Variants in GPHN observed in about 807,000 individuals in gnomAD.
GPHN encodes the protein gephyrin.
In GPHN, 17 loss-of-function variants were observed where a neutral mutation model predicts 95.5. The observed-to-expected ratio is 0.18, with a 90% CI of 0.12 to 0.27. The LOEUF (loss-of-function observed/expected upper bound fraction) is 0.27, where lower values mean the gene tolerates loss of function less well. Ranked by LOEUF, GPHN falls within the 10% of genes least tolerant of loss-of-function variation. The pLI is 1.00. For missense variants in GPHN, 660 were observed against 978.1 expected (o/e 0.67, Z 4.34); for synonymous variants, 320 against 322.5 (o/e 0.99, Z 0.08).
chr14:67,435,713 C>A, the GPHN span, among the ~76,000 whole-genome samples: 5 of 152,232 alleles, frequency 3.3e-5, no homozygotes, highest in Admixed American at 6.5e-5. Flanking sequence ...CCTTCCCTTT[C>A]TCTGTCTTGC....
intron 21 of GPHN, among the ~76,000 whole-genome samples, chr14:67,170,647 C>T (rs1286457275): frequency 6.6e-6 from 1 of 152,152 alleles, no homozygotes; most frequent in African/African-American, 2.4e-5. Context: ...TGATGGTGTC[C>T]ATTTCCTGTC....
intron 1 of GPHN, among the ~76,000 whole-genome samples, chr14:66,515,024 C>T (rs1455492641): frequency 6.6e-6 from 1 of 152,092 alleles, no homozygotes; most frequent in Non-Finnish European, 1.5e-5. Flanking sequence ...GCAATATCTA[C>T]TTTACAAAGT....
At chr14:66,865,498 G>C (rs1053848836) in intron 4 of GPHN, among the ~76,000 whole-genome samples, 1 of 152,068 alleles carries the variant, frequency 6.6e-6, no homozygotes, top group Non-Finnish European at 1.5e-5. Flanking sequence ...TTAAAACCAG[G>C]AAAGAAAACC....
chr14:67,363,254 T>A, the GPHN span, among the ~76,000 whole-genome samples: 1 of 150,998 alleles, frequency 6.6e-6, no homozygotes, highest in Non-Finnish European at 1.5e-5. Context: ...AACAGTCAGC[T>A]GTTTCTTGGT....
At chr14:66,752,708 C>T (rs778489105) in intron 2 of GPHN, among the ~76,000 whole-genome samples, 11 of 151,894 alleles carry the variant, frequency 7.2e-5, no homozygotes, top group African/African-American at 2.7e-4. Context: ...GTGACACAGA[C>T]GTGAAGTGAG....
At chr14:67,148,170 C>T (rs1254590483) in intron 18 of GPHN, among the ~76,000 whole-genome samples, 1 of 152,106 alleles carries the variant, frequency 6.6e-6, no homozygotes, top group African/African-American at 2.4e-5. Flanking sequence ...AACCTTGGCT[C>T]AATTCATAAA....
At chr14:67,108,124 A>G (rs2078151985) in intron 13 of GPHN, among the ~76,000 whole-genome samples, 1 of 152,190 alleles carries the variant, frequency 6.6e-6, no homozygotes, top group African/African-American at 2.4e-5. Context: ...AGCTAGCAAC[A>G]GTGAGATTTC....
At chr14:67,586,054 A>T in the GPHN span, 1 of 1,613,992 alleles carries the variant, frequency 6.2e-7, no homozygotes. Flanking sequence ...AGCTCTGGAA[A>T]AAGCCACATT....
the GPHN span, among the ~76,000 whole-genome samples, chr14:67,193,116 C>CTATA: frequency 6.3e-5 from 9 of 142,000 alleles, no homozygotes; most frequent in African/African-American, 2.3e-4. Flanking sequence ...ATATAGATAT[C>CTATA]TCTCTATATA....
intron 3 of GPHN, among the ~76,000 whole-genome samples, chr14:66,792,400 C>T (rs78880566): frequency 0.019 from 2,877 of 151,760 alleles, 104 homozygotes; most frequent in African/African-American, 0.066. Flanking sequence ...GTAGTTCTAG[C>T]TACTCAAGAG....
chr14:66,530,663 C>T (rs554687762), intron 1 of GPHN, among the ~76,000 whole-genome samples: 1 of 152,266 alleles, frequency 6.6e-6, no homozygotes, highest in South Asian at 2.1e-4. Flanking sequence ...AGCCTGAGTG[C>T]ACAGTTCCTT....
chr14:66,820,767 C>T (rs2153489944), intron 3 of GPHN, among the ~76,000 whole-genome samples: 1 of 152,166 alleles, frequency 6.6e-6, no homozygotes, highest in East Asian at 1.9e-4. Context: ...CTTAACCATC[C>T]AGCTTTTGAG....
chr14:66,923,734 A>G (rs1026071298), intron 7 of GPHN, among the ~76,000 whole-genome samples: 11 of 152,132 alleles, frequency 7.2e-5, no homozygotes, highest in Non-Finnish European at 1.2e-4. Flanking sequence ...TTTAATTGCT[A>G]TATGACATAA....
At chr14:66,928,778 T>C (rs1166134590) in intron 8 of GPHN, among the ~76,000 whole-genome samples, 2 of 152,222 alleles carry the variant, frequency 1.3e-5, no homozygotes, top group Middle Eastern at 3.2e-3. Flanking sequence ...AGTGACCCAC[T>C]GGTCTTTCAG....
the GPHN span, among the ~76,000 whole-genome samples, chr14:67,418,455 T>C: frequency 6.6e-6 from 1 of 152,188 alleles, no homozygotes; most frequent in Non-Finnish European, 1.5e-5. Flanking sequence ...CACATCCCTG[T>C]CCCATTGACT....
intron 4 of GPHN, among the ~76,000 whole-genome samples, chr14:66,847,200 T>C (rs2062375543): frequency 6.6e-6 from 1 of 152,158 alleles, no homozygotes; most frequent in Non-Finnish European, 1.5e-5. Flanking sequence ...AGATCAAGGT[T>C]GTCATGTTGA....
At chr14:66,595,227 G>A (rs554862418) in intron 1 of GPHN, among the ~76,000 whole-genome samples, 1 of 152,286 alleles carries the variant, frequency 6.6e-6, no homozygotes, top group East Asian at 1.9e-4. Context: ...AGCCATAATT[G>A]TAAACAGTAT....
At chr14:67,562,094 G>A in the GPHN span, 7 of 1,601,220 alleles carry the variant, frequency 4.4e-6, 1 homozygote, top group East Asian at 4.5e-5. Flanking sequence ...ATGGGGCTGA[G>A]CTACGGGAGC....
At chr14:66,509,413 C>T (rs1258204466) in intron 1 of GPHN, 1 of 152,226 alleles carries the variant, frequency 6.6e-6, no homozygotes, top group Non-Finnish European at 1.5e-5. Flanking sequence ...GTGAGGAGCG[C>T]ACTTTTCCCG....
Sources: gnomAD v4.1 joint callset for allele counts (sites outside exome capture counted in the v4.1 genomes callset) on GRCh38, gnomAD v4.1.1 for gene constraint, MANE v1.5 for transcripts, NCBI Gene and HGNC (gene_info 2026-07-23, HGNC 2026-07-21) for gene names.